Variants in SEMA3A observed in about 807,000 individuals in gnomAD.
The protein encoded by SEMA3A is semaphorin-3A.
A neutral mutation model predicts 97.9 loss-of-function variants in SEMA3A; 29 were observed. The ratio of observed to expected loss-of-function variants is 0.30; its 90% confidence interval spans 0.22 to 0.40. SEMA3A has a LOEUF of 0.40. Among genes scored for constraint, SEMA3A ranks in the 10% least tolerant of loss-of-function variants. The pLI is 1.00. For missense variants in SEMA3A, 763 were observed against 951.3 expected (o/e 0.80, Z 2.60); for synonymous variants, 321 against 323.7 (o/e 0.99, Z 0.09).
At chr7:84,313,280 G>A (rs1178415350) in intron 2 of SEMA3A, among the ~76,000 whole-genome samples, 1 of 141,516 alleles carries the variant, frequency 7.1e-6, no homozygotes, top group Non-Finnish European at 1.5e-5. Flanking sequence ...TCTCTCATGA[G>A]AGGCTGGGAA....
chr7:84,476,282 C>T (rs994414415), intron 1 of SEMA3A, among the ~76,000 whole-genome samples: 1 of 151,570 alleles, frequency 6.6e-6, no homozygotes, highest in African/African-American at 2.4e-5. Flanking sequence ...TCGCTTCAAC[C>T]CGGGAGGCGG....
rs779300409 is a variant in SEMA3A, at chr7:83,961,462, C to T, written c.2225G>A (p.Gly742Glu). 1.9e-6 allele frequency: 3 copies of T among 1,614,012 alleles called. No individual in the cohort carries two copies. Among genetic ancestry groups the T allele is most frequent in the South Asian group, 2.2e-5 (2 of 91,084 alleles). Residue 742 changes from glycine (G) to glutamate (E), a missense_variant, in exon 17 of 17, where the codon GGG becomes GAG. Around this residue, in one of 2 missense-constraint regions of SEMA3A, gnomAD observed 678 missense variants for 881.3 expected, o/e 0.77. Transcript: ENST00000265362. ...QRRQRPGHTP[G>E]NSNKWKHLQE... Reference sequence around the variant, plus strand: ...TAAGTGCTTCCATTTGTTACTGTTCCCTGGGGTATGTCCTGGCCTTTGCCG... The same window carrying T: ...TAAGTGCTTCCATTTGTTACTGTTCTCTGGGGTATGTCCTGGCCTTTGCCG...
At chr7:84,167,582 C>A (rs964948533) in intron 1 of SEMA3A, among the ~76,000 whole-genome samples, 5 of 151,992 alleles carry the variant, frequency 3.3e-5, no homozygotes, top group African/African-American at 1.2e-4. Context: ...GAACTCATGA[C>A]AATAAACGTC....
chr7:84,228,633 T>A (rs934098545), intron 3 of SEMA3A, among the ~76,000 whole-genome samples: 5 of 152,104 alleles, frequency 3.3e-5, no homozygotes, highest in Non-Finnish European at 5.9e-5. Flanking sequence ...CAATTGAGTC[T>A]GATGTTTTCT....
At chr7:84,414,408 A>C (rs1804372253) in intron 1 of SEMA3A, among the ~76,000 whole-genome samples, 2 of 151,988 alleles carry the variant, frequency 1.3e-5, no homozygotes, top group Admixed American at 1.3e-4. Context: ...AAAAAAAAAA[A>C]AACAGTATTG....
intron 12 of SEMA3A, among the ~76,000 whole-genome samples, chr7:84,001,336 C>T (rs1480970227): frequency 6.6e-6 from 1 of 151,194 alleles, no homozygotes; most frequent in Non-Finnish European, 1.5e-5. Flanking sequence ...CACCCGTACC[C>T]CCATTCCTCC....
intron 1 of SEMA3A, among the ~76,000 whole-genome samples, chr7:84,138,031 C>G (rs148559428): frequency 1.4e-4 from 20 of 145,550 alleles, no homozygotes; most frequent in Non-Finnish European, 2.3e-4. Flanking sequence ...GTTAATGTAT[C>G]TTTTAAGAGT....
In SEMA3A at chr7:84,078,451, C is replaced by A. The variant is rs187612407; in HGVS notation, c.454-17893G>T. 7.9e-5 allele frequency among the ~76,000 whole-genome samples: 12 copies of A among 152,260 alleles called. No homozygotes were observed. The East Asian group carries it at 2.3e-3, about 29-fold the overall frequency. On this transcript the variant is annotated intron_variant, in intron 4 of 16. Coordinates refer to ENST00000265362, the MANE Select transcript of SEMA3A (RefSeq NM_006080.3). The stretch of plus-strand genomic sequence containing the variant: ...GTAGACATTTGAGTTTGCAACCCCT[C>A]TAAACCATTGTAACTCATTTGATCT...
chr7:84,235,511 A>C (rs900294039), intron 3 of SEMA3A, among the ~76,000 whole-genome samples: 1 of 152,134 alleles, frequency 6.6e-6, no homozygotes, highest in Admixed American at 6.6e-5. Context: ...CCATATTTTC[A>C]ATATTACTTG....
chr7:84,479,415 T>C (rs1806386219), intron 1 of SEMA3A, among the ~76,000 whole-genome samples: 1 of 152,230 alleles, frequency 6.6e-6, no homozygotes, highest in South Asian at 2.1e-4. Context: ...TGGTCAACTT[T>C]CAATCAAGAA....
chr7:84,469,881 T>C (rs907465552), intron 1 of SEMA3A, among the ~76,000 whole-genome samples: 5 of 151,940 alleles, frequency 3.3e-5, no homozygotes, highest in African/African-American at 4.8e-5. Flanking sequence ...CCAAATCATG[T>C]TGATAGTTGG....
intron 11 of SEMA3A, 69 bp downstream of exon 11, chr7:84,005,270 C>T (rs1368119507): frequency 2.6e-6 from 3 of 1,162,342 alleles, no homozygotes; most frequent in Non-Finnish European, 3.9e-6. Context: ...CTGAGATGTT[C>T]AAAGATCAAC....
Position 84,393,219 on chromosome 7 carries a change from T to C in SEMA3A, c.-245-21319A>G, listed in dbSNP as rs557561087. On this transcript the variant is annotated intron_variant, in intron 1 of 3. Transcript: ENST00000424555. Reference sequence around the variant, plus strand: ...ATTTAATCAATTTTGAGTGGATTTGTGTATATGGTGTGAGATAAGGGTCCA... The same window carrying C: ...ATTTAATCAATTTTGAGTGGATTTGCGTATATGGTGTGAGATAAGGGTCCA... Among the ~76,000 whole-genome samples the C allele has an allele frequency of 9.8e-5, 15 of 152,300 alleles. No homozygotes were observed. In the South Asian group the frequency reaches 3.1e-3, roughly 32 times the overall value.
chr7:84,364,065 A>AAT (rs1802786467), intron 2 of SEMA3A, among the ~76,000 whole-genome samples: 3 of 151,146 alleles, frequency 2.0e-5, no homozygotes, highest in Non-Finnish European at 4.4e-5. Flanking sequence ...TTTTGAAAAT[A>AAT]TATCTTCATT....
chr7:84,000,264 T>C (rs12707602), intron 12 of SEMA3A, among the ~76,000 whole-genome samples: 23,761 of 152,038 alleles, frequency 0.16, 2,173 homozygotes, highest in Non-Finnish European at 0.21. Flanking sequence ...CTATGGGACA[T>C]GGTGATTGAT....
intron 9 of SEMA3A, among the ~76,000 whole-genome samples, chr7:84,009,407 T>C (rs1392495743): frequency 6.6e-6 from 1 of 152,230 alleles, no homozygotes; most frequent in Non-Finnish European, 1.5e-5. Context: ...TTAATTTTTA[T>C]GTGATTTTAA....
Position 83,979,189 on chromosome 7 carries a change from A to G in SEMA3A, c.1653-1993T>C, listed in dbSNP as rs368270766. ...TGCTTTGTCACCCAGGCTGGAGTGC[A>G]GCGATGCAATCTCAGCTCAGTAAAA... On this transcript the variant is annotated intron_variant, in intron 14 of 16. Transcript: ENST00000265362. 3.1e-3 allele frequency among the ~76,000 whole-genome samples: 454 copies of G among 148,112 alleles called. 3 individuals carry two copies. The highest frequency in any genetic ancestry group is 0.011 in the African/African-American group (424 of 39,938).
chr7:84,014,111 A>C (rs1195193444), intron 7 of SEMA3A, 98 bp downstream of exon 7: 3 of 957,756 alleles, frequency 3.1e-6, no homozygotes, highest in East Asian at 4.9e-5. Flanking sequence ...AGCTTTAGCC[A>C]TAATTTTTAT....
intron 3 of SEMA3A, among the ~76,000 whole-genome samples, chr7:84,203,522 A>ATTT (rs1266870104): frequency 2.3e-3 from 102 of 43,602 alleles, no homozygotes; most frequent in African/African-American, 3.1e-3. Context: ...ATATATATAT[A>ATTT]TATATTTTTT....
Sources: allele counts gnomAD v4.1 joint callset (sites outside exome capture counted in the v4.1 genomes callset), GRCh38; gene constraint gnomAD v4.1.1; regional missense constraint gnomAD v4.1.1; transcripts MANE v1.5; gene names NCBI Gene and HGNC (gene_info 2026-07-23, HGNC 2026-07-21).